Variants in MELK observed in about 807,000 individuals in gnomAD.
The protein encoded by MELK is maternal embryonic leucine zipper kinase, also known as pEg3 kinase.
MELK carries 81 observed loss-of-function variants against 85.0 expected under a neutral mutation model. The ratio of observed to expected loss-of-function variants is 0.95; its 90% CI spans 0.80 to 1.15. MELK has a LOEUF of 1.15. Among genes scored for constraint, MELK ranks in the 50% most tolerant of loss-of-function variants. The pLI is 0.00. For synonymous variants in MELK, 252 were observed against 265.0 expected (o/e 0.95, Z 0.48); for missense variants, 754 against 777.5 (o/e 0.97, Z 0.36).
intron 5 of MELK, among the ~76,000 whole-genome samples, chr9:36,596,863 G>A (rs1824341480): frequency 6.6e-6 from 1 of 152,226 alleles, no homozygotes. Context: ...TGGGATTACA[G>A]GCGTGAGCCA....
chr9:36,596,585 T>C (rs1564138889), intron 5 of MELK, among the ~76,000 whole-genome samples: 1 of 107,414 alleles, frequency 9.3e-6, no homozygotes, highest in African/African-American at 5.8e-5. Context: ...TTTTTTGTTT[T>C]TTTTGTTTTT....
chr9:36,598,438 C>T (rs1277546818), intron 6 of MELK, among the ~76,000 whole-genome samples: 1 of 152,122 alleles, frequency 6.6e-6, no homozygotes, highest in Non-Finnish European at 1.5e-5. Flanking sequence ...TTGTAAATGA[C>T]ATCTCACAAT....
chr9:36,599,469 T>A lies in MELK; in HGVS notation c.550T>A (p.Ser184Thr). The A allele has an allele frequency of 6.2e-7, 1 of 1,611,000 alleles. No individual in the cohort carries two copies. Among genetic ancestry groups the A allele is most frequent in the Non-Finnish European group, 8.5e-7 (1 of 1,177,334 alleles). Residue 184 changes from serine (S) to threonine (T), a missense_variant, in exon 7 of 18, where the codon TCA becomes ACA. By Grantham distance (58) the Ser-to-Thr change is moderately conservative (BLOSUM62 1). Transcript: ENST00000298048. ...YAAPELIQGK[S>T]YLGSEADVWS... is the part of the protein sequence containing the mutation. ...AGCACCTGAGTTAATACAAGGCAAATCATATCTTGGATCAGAGGTAATTAT... is the reference window on the plus strand; with the variant it reads ...AGCACCTGAGTTAATACAAGGCAAAACATATCTTGGATCAGAGGTAATTAT...
At chr9:36,652,175 T>C (rs975300734) in intron 12 of MELK, among the ~76,000 whole-genome samples, 14 of 149,588 alleles carry the variant, frequency 9.4e-5, no homozygotes, top group Admixed American at 8.1e-4. Flanking sequence ...GCCTCCCGAG[T>C]AGCTGGAATT....
rs559919647 is a variant in MELK at position 36,612,127 on chromosome 9, G to A, written c.666+4454G>A. On this transcript the variant is annotated intron_variant, in intron 8 of 17. Transcript: ENST00000298048. ...TTGTTTTTTTCTGTGACAGAGTCTC[G>A]CTCTGTCACCCAGGCTGGAGTGCAA... Among the ~76,000 whole-genome samples the A allele has an allele frequency of 6.6e-5, 10 of 151,764 alleles. No individual in the cohort carries two copies. In the East Asian group the frequency reaches 1.2e-3, roughly 18 times the overall value.
intron 8 of MELK, among the ~76,000 whole-genome samples, chr9:36,620,896 G>A (rs1185458171): frequency 6.6e-6 from 1 of 151,876 alleles, no homozygotes; most frequent in Non-Finnish European, 1.5e-5. Flanking sequence ...CACTCATGTA[G>A]TAACAGCTGT....
At position 36,607,648 on chromosome 9, in the gene MELK, T is replaced by C. The variant is rs1224801421; in HGVS notation, c.641T>C (p.Val214Ala). 6.2e-7 allele frequency: 1 copy of C among 1,607,154 alleles called. No individual in the cohort carries two copies. Among genetic ancestry groups the C allele is most frequent in the African/African-American group, 1.3e-5 (1 of 74,902 alleles). Residue 214 changes from valine (V) to alanine (A), a missense_variant, in exon 8 of 18, where the codon GTA becomes GCA. Val to Ala is a moderately conservative substitution (Grantham distance 64). Coordinates refer to ENST00000298048, the MANE Select transcript of MELK (RefSeq NM_014791.4). The part of the protein sequence containing the change: ...CGFLPFDDDN[V>A]MALYKKIMRG... ...TTTCTACCATTTGATGATGATAATG[T>C]AATGGCTTTATACAAGAAGATTATG... is the stretch of plus-strand genomic sequence containing the variant.
chr9:36,630,258 G>C (rs1308883497), intron 8 of MELK, 41 bp from the exon 9 acceptor site: 1 of 1,472,200 alleles, frequency 6.8e-7, no homozygotes, highest in Non-Finnish European at 9.5e-7. Flanking sequence ...TTGTGTCAAG[G>C]CTGATTGAAC....
At chr9:36,652,559 G>A (rs979568070) in intron 12 of MELK, among the ~76,000 whole-genome samples, 19 of 151,224 alleles carry the variant, frequency 1.3e-4, no homozygotes, top group African/African-American at 3.9e-4. Context: ...GTGAAACCCC[G>A]TCTGTACTAA....
chr9:36,633,291 CAA>C lies in MELK; in HGVS notation c.834+92_834+93del, dbSNP rs1587506798. The C allele has an allele frequency of 9.3e-6, 8 of 860,540 alleles. No individual in the cohort carries two copies. In the East Asian group the frequency reaches 1.8e-4, roughly 19 times the overall value. 53.3% of individuals were successfully genotyped at this position (860,540 alleles called of 1,614,324 possible). A position where few individuals can be genotyped will look rare whatever the true frequency, so the allele number is the denominator to read the frequency against. On this transcript the variant is annotated intron_variant, in intron 10 of 17. Transcript: ENST00000298048. The stretch of plus-strand genomic sequence containing the variant: ...CCTACAATGATGTGGTCTAAATATA[CAA>C]GAAAATATATTAATCAGATTGGTGT...
intron 7 of MELK, among the ~76,000 whole-genome samples, chr9:36,600,523 A>G (rs1824806730): frequency 6.6e-6 from 1 of 152,146 alleles, no homozygotes; most frequent in Admixed American, 6.6e-5. Context: ...AGCTGGGACT[A>G]CACGCGTCCG....
intron 8 of MELK, among the ~76,000 whole-genome samples, chr9:36,608,659 G>A (rs1050043212): frequency 1.3e-5 from 2 of 151,800 alleles, no homozygotes; most frequent in South Asian, 4.2e-4. Context: ...TTGGCTCACC[G>A]CAACCTCTGC....
intron 9 of MELK, among the ~76,000 whole-genome samples, chr9:36,630,934 G>C (rs549540893): frequency 6.8e-6 from 1 of 146,980 alleles, no homozygotes; most frequent in Non-Finnish European, 1.5e-5. Context: ...GATTATAGGC[G>C]TGAGCCTCTA....
chr9:36,669,691 C>T (rs1832722637), intron 15 of MELK, among the ~76,000 whole-genome samples: 1 of 152,174 alleles, frequency 6.6e-6, no homozygotes, highest in Non-Finnish European at 1.5e-5. Flanking sequence ...CTCTCTGAGG[C>T]CCATCTTACC....
At chr9:36,670,602 T>C (rs1457090115) in intron 15 of MELK, among the ~76,000 whole-genome samples, 3 of 151,558 alleles carry the variant, frequency 2.0e-5, no homozygotes, top group Middle Eastern at 3.5e-3. Flanking sequence ...TCAGTGTATA[T>C]CTATATACAT....
In MELK at chr9:36,649,255, C is replaced by T. The variant is rs754111003; in HGVS notation, c.922-2491C>T. On this transcript the variant is annotated intron_variant, in intron 11 of 17. Transcript: ENST00000298048. ...TAATCCCAGCACTTTGGGAGGCCAG[C>T]GCGGGCAGATCATGAGGTCAGGAGA... 4.6e-5 allele frequency among the ~76,000 whole-genome samples: 7 copies of T among 151,446 alleles called. No individual in the cohort carries two copies. In the East Asian group the frequency reaches 5.8e-4, roughly 13 times the overall value.
rs190424763 is a variant in MELK, at chr9:36,584,284, C to G, written c.144+572C>G. 5.4e-3 allele frequency among the ~76,000 whole-genome samples: 803 copies of G among 147,346 alleles called. 4 individuals are homozygous for G. Among genetic ancestry groups the G allele is most frequent in the Non-Finnish European group, 7.7e-3 (516 of 67,166 alleles). ...CCTCCCAAAGTGCTGGGATTACAGTCGTGAGCCACCGCGCCCGGCCTCTTT... is the reference window on the plus strand; with the variant it reads ...CCTCCCAAAGTGCTGGGATTACAGTGGTGAGCCACCGCGCCCGGCCTCTTT... On this transcript the variant is annotated intron_variant, in intron 3 of 17. Coordinates refer to ENST00000298048, the MANE Select transcript of MELK (RefSeq NM_014791.4).
At chr9:36,611,517 A>G (rs1294240172) in intron 8 of MELK, among the ~76,000 whole-genome samples, 3 of 152,268 alleles carry the variant, frequency 2.0e-5, no homozygotes, top group African/African-American at 7.2e-5. Context: ...GGTGCTTTAA[A>G]GAGTATTGGT....
intron 4 of MELK, among the ~76,000 whole-genome samples, chr9:36,591,412 A>C (rs1393224908): frequency 6.6e-6 from 1 of 151,962 alleles, no homozygotes; most frequent in Non-Finnish European, 1.5e-5. Flanking sequence ...ATTTCTACAA[A>C]AAATACAAAA....
Sources: gnomAD v4.1 joint callset for allele counts (sites outside exome capture counted in the v4.1 genomes callset) on GRCh38, gnomAD v4.1.1 for gene constraint, MANE v1.5 for transcripts, NCBI Gene and HGNC (gene_info 2026-07-23, HGNC 2026-07-21) for gene names.